Variants in BRME1 observed in about 807,000 individuals in gnomAD.
The protein encoded by BRME1 is BRCA2 and MEILB2-associating protein 1.
In BRME1, 31 loss-of-function variants were observed where a neutral mutation model predicts 52.6. The observed-to-expected ratio is 0.59, with a 90% CI of 0.44 to 0.80. The LOEUF is 0.80. Ranked by LOEUF, BRME1 falls within the 30% of genes least tolerant of loss-of-function variation. The pLI is 0.00. For synonymous variants in BRME1, 359 were observed against 353.6 expected (o/e 1.02, Z -0.17); for missense variants, 804 against 860.3 (o/e 0.93, Z 0.82).
In BRME1 at chr19:13,883,089, G is replaced by A. The variant is rs748712665; in HGVS notation, c.1857-137C>T. ...CACACACGTGCACATAACCAGAAAG[G>A]GCCTGTTGTAGCACAGGCTGGGCCT... On this transcript the variant is annotated intron_variant, in intron 8 of 8. Coordinates refer to ENST00000586783, the MANE Select transcript of BRME1 (RefSeq NM_001345843.2). This position sits in a 1 kb window ranked among gnomAD's most constrained non-coding sequence, Gnocchi z 4.2. The A allele has an allele frequency of 1.3e-5, 9 of 706,532 alleles. No individual in the cohort carries two copies. The highest frequency in any genetic ancestry group is 1.7e-5 in the Non-Finnish European group (9 of 536,572). 43.8% of individuals were successfully genotyped at this position (706,532 alleles called of 1,614,324 possible).
At position 13,904,969 on chromosome 19, in the gene BRME1, C is replaced by T. The variant is rs959146325; in HGVS notation, c.-21-56G>A. ...AAGCAGTCTCTGTCTCTGTTTATAT[C>T]CAGTGGCTTTGGCTGAGAGCAGAGG... On this transcript the variant is annotated intron_variant, in intron 1 of 8. Transcript: ENST00000586783. 4.6e-5 allele frequency: 67 copies of T among 1,455,186 alleles called. No homozygotes were observed. The Admixed American group carries it at 1.1e-3, about 24-fold the overall frequency. 90.1% of individuals were successfully genotyped at this position (1,455,186 alleles called of 1,614,324 possible).
intron 2 of BRME1, among the ~76,000 whole-genome samples, chr19:13,902,345 A>G (rs1405087482): frequency 1.3e-5 from 2 of 152,062 alleles, no homozygotes; most frequent in Non-Finnish European, 2.9e-5. Context: ...TCTTAAAAAA[A>G]AGTCTGAGCT....
At chr19:13,899,770 G>A (rs546098121) in intron 2 of BRME1, among the ~76,000 whole-genome samples, 13 of 152,290 alleles carry the variant, frequency 8.5e-5, no homozygotes, top group Admixed American at 7.2e-4. Flanking sequence ...AGAGGGTGAG[G>A]TGGGCAGATT....
rs1239294759 is a variant in BRME1 at position 13,893,194 on chromosome 19, C to T, written c.236G>A (p.Cys79Tyr). 6.3e-7 allele frequency: 1 copy of T among 1,588,988 alleles called. No homozygotes were observed. The change falls in exon 4 of 9, where the codon TGC becomes TAC. Residue 79 changes from cysteine to tyrosine, a missense_variant. Around this residue, in one of 3 missense-constraint regions of BRME1, gnomAD observed 234 missense variants for 258.1 expected, o/e 0.91. Coordinates refer to ENST00000586783, the MANE Select transcript of BRME1 (RefSeq NM_001345843.2). ...CTTTTCTGGTTGACGGAGGAGCCGG[C>T]AGGGAGATCCTGTTTCCTCATCAGG... is the stretch of plus-strand genomic sequence containing the variant. The part of the protein sequence containing the change: ...SSPDEETGSP[C>Y]RLLRQPEKEP...
chr19:13,883,027 A>G lies in BRME1; in HGVS notation c.1857-75T>C. Reference sequence around the variant, plus strand: ...ACAGAGGGGGCCGCGCCTCACAGCCACATGGTCACCAATGACTCAGGTGCA... The same window carrying G: ...ACAGAGGGGGCCGCGCCTCACAGCCGCATGGTCACCAATGACTCAGGTGCA... On this transcript the variant is annotated intron_variant, in intron 8 of 8. Coordinates refer to ENST00000586783, the MANE Select transcript of BRME1 (RefSeq NM_001345843.2). This position sits in a 1 kb window ranked among gnomAD's most constrained non-coding sequence, Gnocchi z 4.2. The G allele has an allele frequency of 1.3e-6, 2 of 1,542,698 alleles. No homozygotes were observed. The highest frequency in any genetic ancestry group is 1.2e-5 in the South Asian group (1 of 84,492).
At chr19:13,884,051 G>A (rs1968827525) in intron 7 of BRME1, among the ~76,000 whole-genome samples, 1 of 152,110 alleles carries the variant, frequency 6.6e-6, no homozygotes, top group South Asian at 2.1e-4. Flanking sequence ...ACCCAGGGCA[G>A]TGCTAGAAAG....
At chr19:13,893,015 G>T in intron 4 of BRME1, 125 bp from the exon 5 acceptor site, 1 of 1,356,588 alleles carries the variant, frequency 7.4e-7, no homozygotes, top group Non-Finnish European at 1.0e-6. Flanking sequence ...TTGCCCTCTG[G>T]GCACATTCCC....
chr19:13,905,297 G>A (rs984324282), intron 1 of BRME1, among the ~76,000 whole-genome samples: 5 of 151,826 alleles, frequency 3.3e-5, no homozygotes, highest in African/African-American at 1.2e-4. Context: ...ACTCTCCAGG[G>A]GCCTCTGGAG....
chr19:13,905,837 A>G lies in BRME1; in HGVS notation c.-144T>C, dbSNP rs1018136333. The stretch of plus-strand genomic sequence containing the variant: ...CTTTTTGGAAAAAATAAATGGCCAA[A>G]TTGGCCCTCACAGAACGCTGGAGGC... On this transcript the variant is annotated 5_prime_UTR_variant, in exon 1 of 9. Coordinates refer to ENST00000586783, the MANE Select transcript of BRME1 (RefSeq NM_001345843.2). 3 of 152,088 alleles carry G rather than the reference A, an allele frequency of 2.0e-5. No individual in the cohort carries two copies. Among genetic ancestry groups the G allele is most frequent in the Non-Finnish European group, 4.4e-5 (3 of 68,000 alleles). The allele number at this position is 152,088 out of a possible 1,614,324, so 9.4% of individuals were successfully genotyped here. A position where few individuals can be genotyped will look rare whatever the true frequency, so the allele number is the denominator to read the frequency against.
Position 13,882,470 on chromosome 19 carries a change from C to T in BRME1, c.*332G>A, listed in dbSNP as rs937410353. ...AGGAAAGAAACAAATTCTGAACCAT[C>T]CATACTTGGCTCAGGACCCTAAAAT... On this transcript the variant is annotated 3_prime_UTR_variant, in exon 9 of 9. Transcript: ENST00000586783. 2.3e-6 allele frequency: 1 copy of T among 440,618 alleles called. No homozygotes were observed. Among genetic ancestry groups the T allele is most frequent in the African/African-American group, 2.0e-5 (1 of 48,976 alleles). 27.3% of individuals were successfully genotyped at this position (440,618 alleles called of 1,614,324 possible). A position where few individuals can be genotyped will look rare whatever the true frequency, so the allele number is the denominator to read the frequency against.
intron 1 of BRME1, among the ~76,000 whole-genome samples, chr19:13,905,343 T>A (rs1475581409): frequency 6.6e-6 from 1 of 151,608 alleles, no homozygotes; most frequent in Non-Finnish European, 1.5e-5. Context: ...CCCCTCTCTA[T>A]TAAAAACACA....
At chr19:13,894,012 A>T (rs1203782109) in intron 3 of BRME1, among the ~76,000 whole-genome samples, 2 of 152,122 alleles carry the variant, frequency 1.3e-5, no homozygotes, top group African/African-American at 4.8e-5. Flanking sequence ...AGAACATTTA[A>T]CTGTCAAGGA....
In BRME1 at chr19:13,883,477, G is replaced by T; in HGVS notation, c.1764-77C>A. ...GAGCTCTCCAGTGGGAGGGGCTTCC[G>T]CAGGGCCTCGCGCCATCTTTTCCAG... On this transcript the variant is annotated intron_variant, in intron 7 of 8. Coordinates refer to ENST00000586783, the MANE Select transcript of BRME1 (RefSeq NM_001345843.2). The surrounding 1 kb of genome is among the most constrained non-coding windows in gnomAD (Gnocchi z 4.2). 9.3e-7 allele frequency: 1 copy of T among 1,071,804 alleles called. No homozygotes were observed. The highest frequency in any genetic ancestry group is 1.4e-6 in the Non-Finnish European group (1 of 729,544). 66.4% of individuals were successfully genotyped at this position (1,071,804 alleles called of 1,614,324 possible). A position where few individuals can be genotyped will look rare whatever the true frequency, so the allele number is the denominator to read the frequency against.
chr19:13,895,096 C>T (rs1036013571), intron 3 of BRME1, among the ~76,000 whole-genome samples: 1 of 152,126 alleles, frequency 6.6e-6, no homozygotes, highest in African/African-American at 2.4e-5. Flanking sequence ...CCAGTCTTGT[C>T]TCAAACTCGT....
In BRME1 at chr19:13,890,419, A is replaced by G. The variant is rs745904967; in HGVS notation, c.437T>C (p.Leu146Pro). 24 of 1,517,148 alleles carry G rather than the reference A, an allele frequency of 1.6e-5. No individual in the cohort carries two copies. The Admixed American group carries it at 5.2e-4, about 33-fold the overall frequency. The allele number at this position is 1,517,148 out of a possible 1,614,324, so 94.0% of individuals were successfully genotyped here. The change falls in exon 6 of 9, where the codon CTG becomes CCG. Residue 146 changes from leucine (L) to proline (P), a missense_variant. Around this residue, in one of 3 missense-constraint regions of BRME1, gnomAD observed 234 missense variants for 258.1 expected, o/e 0.91. Transcript: ENST00000586783. Reference sequence around the variant, plus strand: ...GGGGACCCCCAGGGTCTCCACTAGCAGCTGGCATCCTGGACTCTGGGCGCT... The same window carrying G: ...GGGGACCCCCAGGGTCTCCACTAGCGGCTGGCATCCTGGACTCTGGGCGCT... ...ESSAQSPGCQLLVETLGVPLQ... is the reference protein window; with the variant it reads ...ESSAQSPGCQPLVETLGVPLQ...
intron 2 of BRME1, among the ~76,000 whole-genome samples, chr19:13,902,013 C>G (rs1215875554): frequency 6.6e-6 from 1 of 151,492 alleles, no homozygotes; most frequent in Non-Finnish European, 1.5e-5. Flanking sequence ...TGCTCTCCAG[C>G]CTGGGCGACA....
rs1180598317 is a variant in BRME1, at chr19:13,886,037, T to C, written c.1687A>G (p.Lys563Glu). 2 of 1,613,986 alleles carry C rather than the reference T, an allele frequency of 1.2e-6. No individual in the cohort carries two copies. The highest frequency in any genetic ancestry group is 2.2e-5 in the East Asian group (1 of 44,876). The change falls in exon 7 of 9, where the codon AAG (lysine) becomes GAG (glutamate). Residue 563 changes from lysine (K) to glutamate (E), a missense_variant. Physicochemically the swap from Lys to Glu is moderately conservative, Grantham distance 56 (BLOSUM62 1). This residue lies in a region of BRME1 where 552 missense variants were observed against 561.1 expected (regional missense o/e 0.98). Transcript: ENST00000586783. ...PPEQLFPSGN[K>E]PGPCWPGPSS... ...GGGCCCGGCCAGCAAGGGCCCGGCT[T>C]GTTCCCCGAAGGAAAGAGCTGGAAA...
At position 13,883,947 on chromosome 19, in the gene BRME1, TCTGA is replaced by T. The variant is rs1311729902; in HGVS notation, c.1764-551_1764-548del. Among the ~76,000 whole-genome samples the T allele has an allele frequency of 4.6e-5, 7 of 152,218 alleles. No individual in the cohort carries two copies. Among genetic ancestry groups the T allele is most frequent in the East Asian group, 1.9e-4 (1 of 5,174 alleles). ...CCTTTTTTTCCCCAACACTCTGCCA[TCTGA>T]CTATCTAATCTGCTGTCTCTCATGT... On this transcript the variant is annotated intron_variant, in intron 7 of 8. Transcript: ENST00000586783. This position sits in a 1 kb window ranked among gnomAD's most constrained non-coding sequence, Gnocchi z 4.2.
At position 13,882,688 on chromosome 19, in the gene BRME1, T is replaced by G. The variant is rs1968714230; in HGVS notation, c.*114A>C. On this transcript the variant is annotated 3_prime_UTR_variant, in exon 9 of 9. Coordinates refer to ENST00000586783, the MANE Select transcript of BRME1 (RefSeq NM_001345843.2). ...TTGTGTTGTCCATGGAAGACCAACT[T>G]CCGGGCAACTGAAGGGAGGTTTGTA... is the stretch of plus-strand genomic sequence containing the variant. 12 of 1,417,274 alleles carry G rather than the reference T, an allele frequency of 8.5e-6. No homozygotes were observed. The highest frequency in any genetic ancestry group is 2.2e-5 in the Admixed American group (1 of 45,810). 87.8% of individuals were successfully genotyped at this position (1,417,274 alleles called of 1,614,324 possible). A position where few individuals can be genotyped will look rare whatever the true frequency, so the allele number is the denominator to read the frequency against.
Sources: allele counts gnomAD v4.1 joint callset (sites outside exome capture counted in the v4.1 genomes callset), GRCh38; gene constraint gnomAD v4.1.1; regional missense constraint gnomAD v4.1.1; non-coding constraint Gnocchi (gnomAD v3.1); transcripts MANE v1.5; gene names NCBI Gene and HGNC (gene_info 2026-07-23, HGNC 2026-07-21).